The following HCN1 variants were observed in gnomAD, a reference collection of about 807,000 sequenced individuals.
The protein encoded by HCN1 is potassium/sodium hyperpolarization-activated cyclic nucleotide-gated channel 1.
HCN1 carries 13 observed loss-of-function variants against 78.9 expected under a neutral mutation model. The ratio of observed to expected loss-of-function variants is 0.16; its 90% CI spans 0.11 to 0.26. The LOEUF (loss-of-function observed/expected upper bound fraction) is 0.26. HCN1 is among the 10% of genes least tolerant of loss of function. The probability of loss-of-function intolerance (pLI) is 1.00; values close to 1 mark genes in which losing one functional copy is unlikely to be tolerated. For synonymous variants in HCN1, 552 were observed against 455.5 expected, an observed-to-expected ratio of 1.21 and a Z score of -2.70; for missense variants, 810 against 1,154.3, an observed-to-expected ratio of 0.70 and a Z score of 4.32.
intron 4 of HCN1, among the ~76,000 whole-genome samples, chr5:45,354,000 A>G (rs1005421787): frequency 6.6e-6 from 1 of 151,826 alleles, no homozygotes; most frequent in Non-Finnish European, 1.5e-5. Context: ...CTATTGACCT[A>G]TCTGCCTATT....
intron 1 of HCN1, 54 bp from the exon 2 acceptor site, chr5:45,645,662 C>A: frequency 8.5e-7 from 1 of 1,170,812 alleles, no homozygotes; most frequent in Non-Finnish European, 1.2e-6. Context: ...CCAGCCTATC[C>A]CCCCCATGAA....
At chr5:45,395,117 AT>A (rs1291589036) in intron 4 of HCN1, among the ~76,000 whole-genome samples, 3 of 152,090 alleles carry the variant, frequency 2.0e-5, no homozygotes, top group African/African-American at 7.2e-5. Context: ...GAAGTTAAAC[AT>A]TTGTTTTCTT....
intron 2 of HCN1, among the ~76,000 whole-genome samples, chr5:45,629,378 A>G (rs1283122042): frequency 6.6e-6 from 1 of 152,212 alleles, no homozygotes. Flanking sequence ...TCTAATAAAT[A>G]ATAGTAGAAA....
At chr5:45,398,668 G>A (rs1482406080) in intron 3 of HCN1, among the ~76,000 whole-genome samples, 1 of 152,136 alleles carries the variant, frequency 6.6e-6, no homozygotes, top group Admixed American at 6.6e-5. Context: ...GTAGTTTCAA[G>A]ATTTGCATAT....
intron 1 of HCN1, among the ~76,000 whole-genome samples, chr5:45,665,159 G>A (rs1279507300): frequency 6.6e-6 from 1 of 151,982 alleles, no homozygotes; most frequent in South Asian, 2.1e-4. Flanking sequence ...GGACATGGAT[G>A]AAATTGGAAA....
At chr5:45,549,758 G>A (rs1421716012) in intron 2 of HCN1, among the ~76,000 whole-genome samples, 1 of 151,934 alleles carries the variant, frequency 6.6e-6, no homozygotes, top group Non-Finnish European at 1.5e-5. Flanking sequence ...TCTGACAAAG[G>A]GCTAATATCC....
rs552607583 is a variant in HCN1 at position 45,347,813 on chromosome 5, G to T, written c.1377+5287C>A. On this transcript the variant is annotated intron_variant, in intron 5 of 7. Coordinates refer to ENST00000303230, the MANE Select transcript of HCN1 (RefSeq NM_021072.4). ...AATGAAGTGAGAAGGGAAGTTTAGAGAAAAAAGAAGAAAAGGAAACAAACA... is the reference window on the plus strand; with the variant it reads ...AATGAAGTGAGAAGGGAAGTTTAGATAAAAAAGAAGAAAAGGAAACAAACA... 3.3e-5 allele frequency among the ~76,000 whole-genome samples: 5 copies of T among 152,122 alleles called. No individual in the cohort carries two copies. The South Asian group carries it at 8.3e-4, about 25-fold the overall frequency.
At chr5:45,514,569 C>T (rs1048840502) in intron 2 of HCN1, among the ~76,000 whole-genome samples, 9 of 152,118 alleles carry the variant, frequency 5.9e-5, no homozygotes, top group Non-Finnish European at 1.0e-4. Flanking sequence ...ATTTCTACCT[C>T]AATGTTTAAG....
chr5:45,317,681 T>C (rs1236249673), intron 5 of HCN1, among the ~76,000 whole-genome samples: 1 of 152,088 alleles, frequency 6.6e-6, no homozygotes, highest in Non-Finnish European at 1.5e-5. Flanking sequence ...AAAGGGCTAA[T>C]ATCCAGAATC....
chr5:45,473,193 C>A (rs1741431349), intron 2 of HCN1, among the ~76,000 whole-genome samples: 1 of 151,906 alleles, frequency 6.6e-6, no homozygotes, highest in African/African-American at 2.4e-5. Context: ...CCAATATTAA[C>A]TGACTGTCCA....
At chr5:45,345,694 T>C (rs779000680) in intron 5 of HCN1, among the ~76,000 whole-genome samples, 14 of 152,226 alleles carry the variant, frequency 9.2e-5, no homozygotes, top group Non-Finnish European at 1.5e-4. Context: ...TGGGCTTTAT[T>C]GACCATAGCA....
intron 4 of HCN1, among the ~76,000 whole-genome samples, chr5:45,384,244 A>T (rs1262951569): frequency 2.0e-5 from 3 of 152,164 alleles, no homozygotes; most frequent in Non-Finnish European, 4.4e-5. Context: ...TCAAGTAGAT[A>T]AAAGCCTTGT....
chr5:45,646,121 A>G (rs990398417), intron 1 of HCN1, among the ~76,000 whole-genome samples: 2 of 152,036 alleles, frequency 1.3e-5, no homozygotes, highest in African/African-American at 4.8e-5. Flanking sequence ...AGGAATACAG[A>G]TTAGTTTTGC....
intron 3 of HCN1, among the ~76,000 whole-genome samples, chr5:45,442,755 C>T (rs935750603): frequency 1.8e-4 from 28 of 151,906 alleles, no homozygotes; most frequent in Non-Finnish European, 7.4e-5. Flanking sequence ...TATGCTTTAC[C>T]AATTCACCAA....
chr5:45,640,346 C>G (rs1745429225), intron 2 of HCN1, among the ~76,000 whole-genome samples: 1 of 152,026 alleles, frequency 6.6e-6, no homozygotes, highest in Non-Finnish European at 1.5e-5. Context: ...TGTTTATAAC[C>G]CTGCACTAAT....
At chr5:45,529,576 G>T (rs1430665884) in intron 2 of HCN1, among the ~76,000 whole-genome samples, 1 of 152,022 alleles carries the variant, frequency 6.6e-6, no homozygotes, top group Non-Finnish European at 1.5e-5. Context: ...CTAGAAATCA[G>T]GAGTGTGTAG....
At chr5:45,348,423 C>A (rs1288602334) in intron 5 of HCN1, among the ~76,000 whole-genome samples, 1 of 152,062 alleles carries the variant, frequency 6.6e-6, no homozygotes, top group East Asian at 1.9e-4. Context: ...CACCAAATTG[C>A]AAAGGCCATC....
At chr5:45,648,459 G>A (rs114225844) in intron 1 of HCN1, among the ~76,000 whole-genome samples, 33 of 151,966 alleles carry the variant, frequency 2.2e-4, no homozygotes, top group African/African-American at 7.5e-4. Flanking sequence ...AAGTAACATC[G>A]ACTCTATTTT....
chr5:45,508,209 A>T (rs1742345899), intron 2 of HCN1, among the ~76,000 whole-genome samples: 1 of 152,142 alleles, frequency 6.6e-6, no homozygotes, highest in Non-Finnish European at 1.5e-5. Flanking sequence ...GTATGTGAAA[A>T]GTTCATCATA....
Sources: allele counts gnomAD v4.1 joint callset (sites outside exome capture counted in the v4.1 genomes callset), GRCh38; gene constraint gnomAD v4.1.1; transcripts MANE v1.5; gene names NCBI Gene and HGNC (gene_info 2026-07-23, HGNC 2026-07-21).